Variants in KLHDC1 observed in about 807,000 individuals in gnomAD.
KLHDC1 encodes the protein kelch domain-containing protein 1.
KLHDC1 carries 53 observed loss-of-function variants against 68.3 expected under a neutral mutation model. The observed-to-expected ratio is 0.78, with a 90% CI of 0.62 to 0.98. The LOEUF (loss-of-function observed/expected upper bound fraction) is 0.98, where lower values mean the gene tolerates loss of function less well. KLHDC1 is among the 50% of genes least tolerant of loss of function. The pLI, the probability that KLHDC1 is intolerant of heterozygous loss-of-function variation, is 0.00. For synonymous variants in KLHDC1, 148 were observed against 159.0 expected (o/e 0.93, Z 0.52); for missense variants, 470 against 492.3 (o/e 0.95, Z 0.43).
intron 10 of KLHDC1, among the ~76,000 whole-genome samples, chr14:49,734,917 G>C (rs1888897402): frequency 6.6e-6 from 1 of 152,022 alleles, no homozygotes; most frequent in South Asian, 2.1e-4. Context: ...AATCTTGCCT[G>C]ATAACTGTGA....
chr14:49,701,333 T>A (rs1260627764), intron 1 of KLHDC1, among the ~76,000 whole-genome samples: 1 of 152,000 alleles, frequency 6.6e-6, no homozygotes. Flanking sequence ...GAAAAAACTA[T>A]AATGGAAAAA....
chr14:49,743,631 A>G (rs2139768146), intron 11 of KLHDC1, 122 bp from the exon 12 acceptor site: 1 of 611,406 alleles, frequency 1.6e-6, no homozygotes, highest in South Asian at 2.2e-5. Flanking sequence ...GTCAACAGCT[A>G]GAAAGATTTA....
chr14:49,723,715 A>G (rs1888595459), intron 4 of KLHDC1, among the ~76,000 whole-genome samples, 159 bp from the exon 5 acceptor site: 1 of 152,012 alleles, frequency 6.6e-6, no homozygotes, highest in Admixed American at 6.6e-5. Flanking sequence ...CACTTTCTGG[A>G]ATTGGTTTAT....
intron 1 of KLHDC1, among the ~76,000 whole-genome samples, chr14:49,707,294 G>GT (rs1334709593): frequency 1.8e-4 from 25 of 139,474 alleles, no homozygotes; most frequent in Non-Finnish European, 3.1e-4. Flanking sequence ...GTGTGTGTGT[G>GT]TGTGAGAGAG....
chr14:49,734,718 T>C (rs907942775), intron 10 of KLHDC1, 57 bp downstream of exon 10: 1 of 939,038 alleles, frequency 1.1e-6, no homozygotes, highest in Non-Finnish European at 1.6e-6. Context: ...AGTATTAAAA[T>C]ATAGTACTGA....
intron 4 of KLHDC1, among the ~76,000 whole-genome samples, chr14:49,720,472 C>G (rs113089459): frequency 6.6e-6 from 1 of 151,874 alleles, no homozygotes; most frequent in Admixed American, 6.6e-5. Context: ...TTTTGTTTCT[C>G]TGTATGTGTC....
chr14:49,696,292 C>T (rs999794259), intron 1 of KLHDC1, among the ~76,000 whole-genome samples: 2 of 151,906 alleles, frequency 1.3e-5, no homozygotes, highest in Non-Finnish European at 2.9e-5. Context: ...ATGCCTCAGC[C>T]TCCTGAGTAG....
chr14:49,709,516 T>TC (rs1888143669), intron 2 of KLHDC1, among the ~76,000 whole-genome samples, 193 bp from the exon 3 acceptor site: 1 of 152,184 alleles, frequency 6.6e-6, no homozygotes, highest in Non-Finnish European at 1.5e-5. Context: ...TTTGTGATTT[T>TC]TTTTTTTTTC....
At chr14:49,750,020 A>G (rs1241801535) in intron 12 of KLHDC1, among the ~76,000 whole-genome samples, 6 of 152,216 alleles carry the variant, frequency 3.9e-5, no homozygotes, top group African/African-American at 1.2e-4. Flanking sequence ...AGATCAGGCC[A>G]CCACACTCCA....
At chr14:49,700,561 G>A (rs1594647227) in intron 1 of KLHDC1, among the ~76,000 whole-genome samples, 1 of 152,168 alleles carries the variant, frequency 6.6e-6, no homozygotes, top group African/African-American at 2.4e-5. Flanking sequence ...TCCAGCCTGG[G>A]TGACAGAGAC....
At position 49,728,998 on chromosome 14, in the gene KLHDC1, G is replaced by A. The variant is rs772110151; in HGVS notation, c.640G>A (p.Gly214Arg). 15 of 1,611,238 alleles carry A rather than the reference G, an allele frequency of 9.3e-6. No individual in the cohort carries two copies. The highest frequency in any genetic ancestry group is 1.7e-5 in the Admixed American group (1 of 59,960). The change falls in exon 7 of 13, where the codon GGA becomes AGA. Residue 214 changes from glycine (G) to arginine (R), a missense_variant. Coordinates refer to ENST00000359332, the MANE Select transcript of KLHDC1 (RefSeq NM_172193.3). ...TGGAAATAAGGGTTATATCTTTGGC[G>A]GACGTGTTCTGGTTAGTGTTTTTAA... Reference protein sequence around the residue: ...VLGNKGYIFGGRVLQTRMNDL... With the variant: ...VLGNKGYIFGRRVLQTRMNDL...
intron 9 of KLHDC1, 70 bp from the exon 10 acceptor site, chr14:49,734,519 A>G: frequency 2.3e-6 from 2 of 855,874 alleles, no homozygotes; most frequent in Non-Finnish European, 3.7e-6. Flanking sequence ...TAGCATGATA[A>G]ATTGGGGGGA....
intron 12 of KLHDC1, among the ~76,000 whole-genome samples, chr14:49,744,772 A>G (rs1328543837): frequency 6.6e-6 from 1 of 152,220 alleles, no homozygotes; most frequent in Non-Finnish European, 1.5e-5. Flanking sequence ...CATAAGCCTA[A>G]CTATATTTTC....
At chr14:49,699,920 A>C (rs1887852955) in intron 1 of KLHDC1, 1 of 184,026 alleles carries the variant, frequency 5.4e-6, no homozygotes, top group South Asian at 7.4e-5. Flanking sequence ...TTAGGGGAAA[A>C]ACTCGGTATC....
chr14:49,751,707 C>A lies in KLHDC1; in HGVS notation c.1156C>A (p.Arg386=). The A allele has an allele frequency of 6.2e-7, 1 of 1,604,482 alleles. No individual in the cohort carries two copies. Among genetic ancestry groups the A allele is most frequent in the Admixed American group, 1.7e-5 (1 of 59,096 alleles). Residue 386 remains arginine, a synonymous_variant, in exon 13 of 13, where the codon CGA becomes AGA. Coordinates refer to ENST00000359332, the MANE Select transcript of KLHDC1 (RefSeq NM_172193.3). Reference sequence around the variant, plus strand: ...AACATTTTGGGCTGCAGCTAATCACCGAGAAGAACAAAGAGTCCAAAAAGA... The same window carrying A: ...AACATTTTGGGCTGCAGCTAATCACAGAGAAGAACAAAGAGTCCAAAAAGA... ...KITFWAAANH[R]EEQRVQKEET... is the part of the protein sequence containing the mutation.
chr14:49,726,434 A>C (rs1255237103), intron 6 of KLHDC1, among the ~76,000 whole-genome samples: 1 of 152,076 alleles, frequency 6.6e-6, no homozygotes, highest in East Asian at 1.9e-4. Context: ...AAAAATGCAT[A>C]TTCTTCTCCA....
chr14:49,742,223 A>T (rs931658896), intron 11 of KLHDC1, among the ~76,000 whole-genome samples: 2 of 152,232 alleles, frequency 1.3e-5, no homozygotes, highest in Non-Finnish European at 2.9e-5. Context: ...GAAAGTAGGA[A>T]TTCTGATTAA....
chr14:49,733,635 CT>C, intron 9 of KLHDC1, among the ~76,000 whole-genome samples: 2 of 152,018 alleles, frequency 1.3e-5, no homozygotes, highest in Middle Eastern at 3.4e-3. Context: ...GTTGGCCAGG[CT>C]GGTCTCGAAT....
chr14:49,715,017 T>G (rs1458908597), intron 4 of KLHDC1, among the ~76,000 whole-genome samples: 1 of 147,548 alleles, frequency 6.8e-6, no homozygotes, highest in Non-Finnish European at 1.5e-5. Flanking sequence ...TTTTTATCTA[T>G]TTTATATTTT....
Sources: allele counts gnomAD v4.1 joint callset (sites outside exome capture counted in the v4.1 genomes callset), GRCh38; gene constraint gnomAD v4.1.1; transcripts MANE v1.5; gene names NCBI Gene and HGNC (gene_info 2026-07-23, HGNC 2026-07-21).